GNAO1: variants seen among roughly 807,000 people sequenced by gnomAD.
GNAO1 encodes guanine nucleotide-binding protein G(o) subunit alpha.
For missense variants in GNAO1, 166 were observed against 478.7 expected (o/e 0.35, Z 6.10); for synonymous variants, 164 against 180.7 (o/e 0.91, Z 0.74).
chr16:56,250,503 G>A (rs572715300), intron 2 of GNAO1, among the ~76,000 whole-genome samples: 3 of 152,208 alleles, frequency 2.0e-5, no homozygotes, highest in African/African-American at 7.2e-5. Flanking sequence ...AAAAGAGCAT[G>A]CAAGACAGAG....
intron 3 of GNAO1, among the ~76,000 whole-genome samples, chr16:56,289,143 G>T (rs1040898180): frequency 6.6e-6 from 1 of 152,174 alleles, no homozygotes; most frequent in African/African-American, 2.4e-5. Context: ...TCCCACAGCC[G>T]CTGGGCTGTT....
intron 2 of GNAO1, among the ~76,000 whole-genome samples, chr16:56,254,542 T>C (rs2036828873): frequency 6.6e-6 from 1 of 152,176 alleles, no homozygotes; most frequent in African/African-American, 2.4e-5. Flanking sequence ...GCATTTATTT[T>C]CAACATTTCT....
rs1707962048 is a variant in GNAO1, at chr16:56,191,931, G to A, written c.-305G>A. On this transcript the variant is annotated 5_prime_UTR_variant, in exon 1 of 9. Transcript: ENST00000262493. The surrounding 1 kb of genome is among the most constrained non-coding windows in gnomAD (Gnocchi z 4.7). ...TCGTGCACAAGCCTCAGTGCCTGCAGTCCGCGCCTCCTCGGCCCGCGGGCG... is the reference window on the plus strand; with the variant it reads ...TCGTGCACAAGCCTCAGTGCCTGCAATCCGCGCCTCCTCGGCCCGCGGGCG... 2 of 460,586 alleles carry A rather than the reference G, an allele frequency of 4.3e-6. No homozygotes were observed. Among genetic ancestry groups the A allele is most frequent in the Non-Finnish European group, 7.7e-6 (2 of 258,068 alleles). The allele number at this position is 460,586 out of a possible 1,614,324, so 28.5% of individuals were successfully genotyped here. A position where few individuals can be genotyped will look rare whatever the true frequency, so the allele number is the denominator to read the frequency against.
intron 2 of GNAO1, among the ~76,000 whole-genome samples, chr16:56,266,050 A>C (rs949772137): frequency 6.6e-6 from 1 of 152,190 alleles, no homozygotes; most frequent in Non-Finnish European, 1.5e-5. Flanking sequence ...CCTCAGCTTC[A>C]TGCCACCTCA....
At chr16:56,337,663 G>T (rs1302995078) in intron 6 of GNAO1, among the ~76,000 whole-genome samples, 3 of 152,238 alleles carry the variant, frequency 2.0e-5, no homozygotes, top group African/African-American at 7.2e-5. Flanking sequence ...ACCTGCCTGT[G>T]GGGGGCTGTT....
intron 2 of GNAO1, among the ~76,000 whole-genome samples, chr16:56,256,710 C>CTGTCTCTCTG (rs1255530533): frequency 6.6e-5 from 8 of 120,426 alleles, no homozygotes; most frequent in Admixed American, 8.7e-5. Context: ...CTCTCTCTCT[C>CTGTCTCTCTG]TCTCTCTCTG....
At chr16:56,275,804 G>A (rs1381164050) in intron 2 of GNAO1, 127 bp from the exon 3 acceptor site, 2 of 617,696 alleles carry the variant, frequency 3.2e-6, no homozygotes, top group East Asian at 3.2e-5. Flanking sequence ...CATTAATGTA[G>A]CAACTCAGTA....
intron 3 of GNAO1, among the ~76,000 whole-genome samples, chr16:56,322,979 C>T (rs2037591382): frequency 6.6e-6 from 1 of 152,178 alleles, no homozygotes; most frequent in Non-Finnish European, 1.5e-5. Context: ...GATCCCTGCC[C>T]TGAGGACCAG....
At chr16:56,344,913 C>A (rs2037848030) in intron 6 of GNAO1, 16 of 985,092 alleles carry the variant, frequency 1.6e-5, no homozygotes, top group Non-Finnish European at 1.9e-5. Flanking sequence ...GCAGCCAGTG[C>A]CTCCGCCTCA....
intron 2 of GNAO1, 107 bp downstream of exon 2, chr16:56,192,723 C>A: frequency 1.8e-5 from 11 of 621,480 alleles, no homozygotes; most frequent in South Asian, 5.0e-5. Flanking sequence ...TTTTTTAATT[C>A]GTGCACACAC....
intron 3 of GNAO1, among the ~76,000 whole-genome samples, chr16:56,286,803 G>A (rs1420659891): frequency 6.6e-6 from 1 of 151,988 alleles, no homozygotes; most frequent in East Asian, 1.9e-4. Flanking sequence ...CCATGACCAA[G>A]GGGGCTGAGG....
Position 56,297,065 on chromosome 16 carries a change from G to A in GNAO1, c.303+20993G>A, listed in dbSNP as rs555360512. 5.9e-5 allele frequency among the ~76,000 whole-genome samples: 9 copies of A among 152,266 alleles called. No homozygotes were observed. The South Asian group carries it at 1.0e-3, about 18-fold the overall frequency. ...TACTAATACTCCTGGAAGGAGAAGC[G>A]TCTACCAGTAGGGATTAGCCATCAG... On this transcript the variant is annotated intron_variant, in intron 3 of 8. Coordinates refer to ENST00000262493, the MANE Select transcript of GNAO1 (RefSeq NM_020988.3).
At chr16:56,194,249 C>G (rs958283923) in intron 2 of GNAO1, 1 of 456,596 alleles carries the variant, frequency 2.2e-6, no homozygotes, top group East Asian at 7.0e-5. Context: ...TTCTCTTGAG[C>G]TTGTGCAACC....
intron 2 of GNAO1, among the ~76,000 whole-genome samples, chr16:56,236,160 C>T (rs2036635335): frequency 2.0e-5 from 3 of 152,194 alleles, no homozygotes. Flanking sequence ...TTGACCTTTG[C>T]TGACAAGTCC....
At chr16:56,256,986 G>A (rs1450437038) in intron 2 of GNAO1, among the ~76,000 whole-genome samples, 1 of 152,138 alleles carries the variant, frequency 6.6e-6, no homozygotes, top group Non-Finnish European at 1.5e-5. Flanking sequence ...TGGGAAAGTT[G>A]TTTGTTCAGT....
At chr16:56,201,783 C>T (rs961333666) in intron 2 of GNAO1, among the ~76,000 whole-genome samples, 10 of 152,116 alleles carry the variant, frequency 6.6e-5, no homozygotes, top group Non-Finnish European at 1.3e-4. Flanking sequence ...CTGGTTTGGG[C>T]TACTGGTGGA....
intron 6 of GNAO1, chr16:56,340,737 TG>T: frequency 2.7e-6 from 3 of 1,101,058 alleles, no homozygotes; most frequent in Non-Finnish European, 2.7e-6. Flanking sequence ...GCCACATTGG[TG>T]GACCTTCCCT....
intron 6 of GNAO1, chr16:56,343,925 A>C (rs1596877596): frequency 6.2e-7 from 1 of 1,613,930 alleles, no homozygotes; most frequent in Non-Finnish European, 8.5e-7. Context: ...ATCGCCAAAA[A>C]CCTGCGGGGC....
At chr16:56,283,529 T>C (rs1691233996) in intron 3 of GNAO1, among the ~76,000 whole-genome samples, 1 of 152,228 alleles carries the variant, frequency 6.6e-6, no homozygotes, top group Non-Finnish European at 1.5e-5. Context: ...GACACTATGT[T>C]TTTTAATAAT....
Sources: gnomAD v4.1 joint callset for allele counts (sites outside exome capture counted in the v4.1 genomes callset) on GRCh38, gnomAD v4.1.1 for gene constraint, Gnocchi (gnomAD v3.1) non-coding constraint, MANE v1.5 for transcripts, NCBI Gene and HGNC (gene_info 2026-07-23, HGNC 2026-07-21) for gene names.